Variants in THSD7A observed in about 807,000 individuals in gnomAD.
THSD7A encodes thrombospondin type 1 domain containing 7A, also known as thrombospondin type-1 domain-containing protein 7A.
THSD7A carries 96 observed loss-of-function variants against 231.3 expected under a neutral mutation model. The ratio of observed to expected loss-of-function variants is 0.41; its 90% CI spans 0.35 to 0.49. The LOEUF (loss-of-function observed/expected upper bound fraction) is 0.49. Ranked by LOEUF, THSD7A falls within the 20% of genes least tolerant of loss-of-function variation. THSD7A has a pLI of 0.05. For missense variants in THSD7A, 2,290 were observed against 2,070.2 expected (o/e 1.11, Z -2.06); for synonymous variants, 940 against 743.3 (o/e 1.26, Z -4.30).
intron 6 of THSD7A, among the ~76,000 whole-genome samples, chr7:11,540,960 T>C (rs1789121038): frequency 6.6e-6 from 1 of 152,166 alleles, no homozygotes; most frequent in Non-Finnish European, 1.5e-5. Context: ...AATTAAATGA[T>C]AACACTAAGA....
At chr7:11,421,196 C>T (rs866775264) in intron 16 of THSD7A, among the ~76,000 whole-genome samples, 2 of 152,108 alleles carry the variant, frequency 1.3e-5, no homozygotes, top group Non-Finnish European at 2.9e-5. Context: ...TGGTTTGGCT[C>T]TATGTCCCCA....
chr7:11,407,283 T>C, intron 20 of THSD7A, 23 bp downstream of exon 20: 1 of 1,580,000 alleles, frequency 6.3e-7, no homozygotes, highest in Non-Finnish European at 8.7e-7. Context: ...AGTAGCCTAA[T>C]ATAAGTTATG....
At chr7:11,828,370 C>T (rs1304256034) in intron 1 of THSD7A, among the ~76,000 whole-genome samples, 3 of 152,102 alleles carry the variant, frequency 2.0e-5, no homozygotes, top group Non-Finnish European at 4.4e-5. Flanking sequence ...CTTAGAATGG[C>T]CTTCTACTCC....
intron 1 of THSD7A, among the ~76,000 whole-genome samples, chr7:11,766,004 G>A (rs912668481): frequency 5.2e-4 from 79 of 152,068 alleles, no homozygotes; most frequent in African/African-American, 1.7e-3. Context: ...TCACCTTTGA[G>A]TGTACACAGT....
At chr7:11,617,048 A>G (rs1781131763) in intron 2 of THSD7A, among the ~76,000 whole-genome samples, 1 of 152,232 alleles carries the variant, frequency 6.6e-6, no homozygotes, top group East Asian at 1.9e-4. Context: ...GTGCATTGCA[A>G]AATAGCTGTA....
intron 22 of THSD7A, among the ~76,000 whole-genome samples, chr7:11,405,850 T>C (rs1783563497): frequency 6.6e-6 from 1 of 152,234 alleles, no homozygotes; most frequent in Non-Finnish European, 1.5e-5. Flanking sequence ...TATCTAGGTA[T>C]GAGTTTGTTG....
At chr7:11,687,535 A>G (rs1780096543) in intron 1 of THSD7A, among the ~76,000 whole-genome samples, 1 of 151,936 alleles carries the variant, frequency 6.6e-6, no homozygotes, top group Admixed American at 6.6e-5. Context: ...CTGAAGAAAA[A>G]CATCTTGCTT....
chr7:11,517,461 TATC>T (rs1200382382), intron 6 of THSD7A, among the ~76,000 whole-genome samples: 2 of 150,320 alleles, frequency 1.3e-5, no homozygotes, highest in Non-Finnish European at 3.0e-5. Flanking sequence ...AAACAGGGAA[TATC>T]ATTAAAAATA....
intron 9 of THSD7A, among the ~76,000 whole-genome samples, chr7:11,466,266 C>T (rs1365402453): frequency 6.6e-6 from 1 of 152,178 alleles, no homozygotes; most frequent in East Asian, 1.9e-4. Flanking sequence ...TCTCTTTGAA[C>T]ATTCAACTTT....
intron 1 of THSD7A, among the ~76,000 whole-genome samples, chr7:11,667,449 A>C (rs530241956): frequency 1.3e-5 from 2 of 152,106 alleles, no homozygotes; most frequent in Non-Finnish European, 2.9e-5. Flanking sequence ...CATTTATTTC[A>C]TAGTCATTTT....
chr7:11,808,240 G>A (rs2128183463), intron 1 of THSD7A, among the ~76,000 whole-genome samples: 1 of 152,166 alleles, frequency 6.6e-6, no homozygotes, highest in Middle Eastern at 3.4e-3. Context: ...TAAAATGTGG[G>A]GCCTTTAAGA....
intron 4 of THSD7A, among the ~76,000 whole-genome samples, chr7:11,555,630 T>C (rs1789812571): frequency 6.6e-6 from 1 of 151,864 alleles, no homozygotes; most frequent in African/African-American, 2.4e-5. Flanking sequence ...GTCCTAATTA[T>C]TCTATGAAGT....
At chr7:11,553,516 C>T (rs1789718378) in intron 4 of THSD7A, among the ~76,000 whole-genome samples, 1 of 152,034 alleles carries the variant, frequency 6.6e-6, no homozygotes, top group African/African-American at 2.4e-5. Flanking sequence ...TAGAATGGCC[C>T]AGTTCTTACT....
rs950392965 is a variant in THSD7A, at chr7:11,370,403, A to G, written c.*5391T>C. On this transcript the variant is annotated 3_prime_UTR_variant, in exon 28 of 28. Transcript: ENST00000423059. Reference sequence around the variant, plus strand: ...AATTTTAATCCATATTTAAGAAGCAATTGGTGCAAATCAAAACACAGATAC... The same window carrying G: ...AATTTTAATCCATATTTAAGAAGCAGTTGGTGCAAATCAAAACACAGATAC... The G allele has an allele frequency of 2.0e-5, 3 of 152,204 alleles. No individual in the cohort carries two copies. The highest frequency in any genetic ancestry group is 4.1e-4 in the South Asian group (2 of 4,832). The allele number at this position is 152,204 out of a possible 1,614,324, so 9.4% of individuals were successfully genotyped here. A position where few individuals can be genotyped will look rare whatever the true frequency, so the allele number is the denominator to read the frequency against.
chr7:11,568,759 C>T (rs1364204200), intron 4 of THSD7A, among the ~76,000 whole-genome samples: 1 of 150,596 alleles, frequency 6.6e-6, no homozygotes, highest in South Asian at 2.1e-4. Context: ...AAAAGGTATC[C>T]GTATTGGGAA....
intron 23 of THSD7A, among the ~76,000 whole-genome samples, chr7:11,390,361 A>G (rs1384733378): frequency 6.6e-6 from 1 of 151,920 alleles, no homozygotes; most frequent in Non-Finnish European, 1.5e-5. Flanking sequence ...TTGATCTTCA[A>G]TCTCTGATAT....
At chr7:11,389,241 A>T (rs567603496) in intron 23 of THSD7A, among the ~76,000 whole-genome samples, 1 of 152,056 alleles carries the variant, frequency 6.6e-6, no homozygotes, top group Non-Finnish European at 1.5e-5. Flanking sequence ...GTCTCTTTGT[A>T]GGTCTCTAAG....
chr7:11,430,595 A>G (rs1784450389), intron 13 of THSD7A, among the ~76,000 whole-genome samples: 2 of 152,000 alleles, frequency 1.3e-5, no homozygotes, highest in Admixed American at 1.3e-4. Context: ...TAAGTAGCTG[A>G]GCTGGGACTA....
chr7:11,716,822 A>G (rs1781153328), intron 1 of THSD7A, among the ~76,000 whole-genome samples: 1 of 151,506 alleles, frequency 6.6e-6, no homozygotes, highest in Admixed American at 6.6e-5. Flanking sequence ...CATTGCTTTT[A>G]TACTACTACT....
Sources: allele counts gnomAD v4.1 joint callset (sites outside exome capture counted in the v4.1 genomes callset), GRCh38; gene constraint gnomAD v4.1.1; transcripts MANE v1.5; gene names NCBI Gene and HGNC (gene_info 2026-07-23, HGNC 2026-07-21).